DNAAF11: variants seen among roughly 807,000 people sequenced by gnomAD.
DNAAF11 encodes the protein leucine rich repeat containing 6.
In DNAAF11, 45 loss-of-function variants were observed where a neutral mutation model predicts 60.8. The observed-to-expected ratio is 0.74, with a 90% CI of 0.58 to 0.95. The LOEUF (loss-of-function observed/expected upper bound fraction) is 0.95, where lower values mean the gene tolerates loss of function less well. DNAAF11 is among the 40% of genes least tolerant of loss of function. DNAAF11 has a pLI of 0.00. For missense variants in DNAAF11, 546 were observed against 546.2 expected (o/e 1.00, Z 0.00); for synonymous variants, 191 against 183.5 (o/e 1.04, Z -0.33).
upstream of DNAAF11, among the ~76,000 whole-genome samples, chr8:132,680,144 A>G (rs188244177): frequency 0.012 from 1,805 of 152,352 alleles, 18 homozygotes; most frequent in Non-Finnish European, 0.019. Flanking sequence ...ACTGACAGGG[A>G]GGACAACTGG....
At chr8:132,690,730 C>T in the DNAAF11 span, among the ~76,000 whole-genome samples, 1 of 152,164 alleles carries the variant, frequency 6.6e-6, no homozygotes, top group African/African-American at 2.4e-5. Flanking sequence ...GTTTCTCAGG[C>T]TCCTCTTGTT....
At chr8:132,585,575 T>G (rs979340526) in intron 10 of DNAAF11, among the ~76,000 whole-genome samples, 1 of 152,188 alleles carries the variant, frequency 6.6e-6, no homozygotes, top group East Asian at 1.9e-4. Context: ...AGACATTAAA[T>G]ACCAAGGCTA....
At chr8:132,692,535 A>G in the DNAAF11 span, among the ~76,000 whole-genome samples, 1 of 152,320 alleles carries the variant, frequency 6.6e-6, no homozygotes, top group South Asian at 2.1e-4. Context: ...ATCCAGGAGT[A>G]AGGAGTCAGT....
intron 3 of DNAAF11, among the ~76,000 whole-genome samples, chr8:132,643,198 G>C (rs572092467): frequency 2.0e-5 from 3 of 152,296 alleles, no homozygotes; most frequent in Admixed American, 2.0e-4. Context: ...TCTCTACCCA[G>C]GGTTTGGGGA....
chr8:132,632,286 C>G (rs1453393111), intron 5 of DNAAF11, among the ~76,000 whole-genome samples: 2 of 151,836 alleles, frequency 1.3e-5, no homozygotes, highest in African/African-American at 2.4e-5. Context: ...TTTAAAAAAC[C>G]AATTAGAGAG....
At chr8:132,635,855 T>C (rs1205092784) in intron 4 of DNAAF11, among the ~76,000 whole-genome samples, 1 of 151,946 alleles carries the variant, frequency 6.6e-6, no homozygotes, top group African/African-American at 2.4e-5. Flanking sequence ...TAAAGAGTCT[T>C]GTGAAGAGGA....
chr8:132,581,660 T>A (rs1346896888), intron 11 of DNAAF11, among the ~76,000 whole-genome samples: 26 of 51,740 alleles, frequency 5.0e-4, no homozygotes, highest in East Asian at 1.4e-3. Context: ...AGACTCTGCC[T>A]CAAAAAAAAA....
chr8:132,661,689 G>T, intron 1 of DNAAF11, 62 bp from the exon 2 acceptor site: 2 of 1,518,628 alleles, frequency 1.3e-6, no homozygotes, highest in African/African-American at 1.4e-5. Flanking sequence ...AGATTATTGT[G>T]TTGTTAACGC....
chr8:132,702,621 A>G, the DNAAF11 span, among the ~76,000 whole-genome samples: 1 of 152,190 alleles, frequency 6.6e-6, no homozygotes, highest in Non-Finnish European at 1.5e-5. Context: ...CCACTTCAGA[A>G]AAGCTTATGA....
At chr8:132,654,755 C>A (rs1387873708) in intron 3 of DNAAF11, among the ~76,000 whole-genome samples, 1 of 148,252 alleles carries the variant, frequency 6.7e-6, no homozygotes, top group Non-Finnish European at 1.5e-5. Flanking sequence ...CACAACATAT[C>A]AAAACTTAGA....
Position 132,570,854 on chromosome 8 carries a change from T to G in DNAAF11, c.*1452A>C, listed in dbSNP as rs937854497. Among the ~76,000 whole-genome samples the G allele has an allele frequency of 1.3e-5, 2 of 152,178 alleles. No individual in the cohort carries two copies. Among genetic ancestry groups the G allele is most frequent in the Admixed American group, 1.3e-4 (2 of 15,284 alleles). ...TAGCAGATAAATAGAGGCAACAATTTCAGCAGCATGATAATTTCCATAGAC... is the reference window on the plus strand; with the variant it reads ...TAGCAGATAAATAGAGGCAACAATTGCAGCAGCATGATAATTTCCATAGAC... On this transcript the variant is annotated 3_prime_UTR_variant, in exon 12 of 12. Transcript: ENST00000620350.
intron 4 of DNAAF11, among the ~76,000 whole-genome samples, chr8:132,636,148 T>C (rs1352976155): frequency 3.3e-5 from 5 of 151,982 alleles, no homozygotes; most frequent in Non-Finnish European, 5.9e-5. Context: ...CTCACAAGCT[T>C]TCAATGAAAT....
intron 10 of DNAAF11, among the ~76,000 whole-genome samples, chr8:132,604,795 A>C (rs1460509229): frequency 1.3e-5 from 2 of 152,184 alleles, no homozygotes; most frequent in Non-Finnish European, 2.9e-5. Context: ...CATACATATA[A>C]TATCTATAAA....
intron 7 of DNAAF11, among the ~76,000 whole-genome samples, chr8:132,621,660 C>G (rs1819777322): frequency 6.6e-6 from 1 of 152,142 alleles, no homozygotes; most frequent in South Asian, 2.1e-4. Context: ...AGTCATTGCT[C>G]TATCCCCAGG....
At chr8:132,589,345 T>C (rs1036614246) in intron 10 of DNAAF11, among the ~76,000 whole-genome samples, 2 of 152,144 alleles carry the variant, frequency 1.3e-5, no homozygotes, top group African/African-American at 4.8e-5. Context: ...GGGGAATTTA[T>C]TTCATGGCAC....
chr8:132,670,733 C>A (rs1247856281), intron 1 of DNAAF11, among the ~76,000 whole-genome samples: 5 of 152,070 alleles, frequency 3.3e-5, no homozygotes, highest in African/African-American at 1.2e-4. Context: ...CAAATCAAAT[C>A]CAACAACATA....
chr8:132,686,166 G>A, the DNAAF11 span, among the ~76,000 whole-genome samples: 4 of 152,270 alleles, frequency 2.6e-5, no homozygotes, highest in East Asian at 1.9e-4. Context: ...ATCTCTGAAC[G>A]GATGACAATT....
upstream of DNAAF11, among the ~76,000 whole-genome samples, chr8:132,679,935 A>G (rs1825841532): frequency 1.3e-5 from 2 of 152,186 alleles, no homozygotes; most frequent in African/African-American, 2.4e-5. Flanking sequence ...TGAAAACAGA[A>G]TAATACAAGC....
chr8:132,577,713 C>T (rs908495395), intron 11 of DNAAF11, among the ~76,000 whole-genome samples: 8 of 152,280 alleles, frequency 5.3e-5, no homozygotes, highest in Admixed American at 6.5e-5. Context: ...GGCTGGAGTG[C>T]GGTGGTGCAA....
Sources: gnomAD v4.1 joint callset for allele counts (sites outside exome capture counted in the v4.1 genomes callset) on GRCh38, gnomAD v4.1.1 for gene constraint, MANE v1.5 for transcripts, NCBI Gene and HGNC (gene_info 2026-07-23, HGNC 2026-07-21) for gene names.